The following DNAH5 variants were observed in gnomAD, a reference collection of about 807,000 sequenced individuals.
The protein encoded by DNAH5 is axonemal beta dynein heavy chain 5.
Under a neutral mutation model 518.2 loss-of-function variants are expected in DNAH5, and 372 were observed. The observed-to-expected ratio is 0.72, with a 90% confidence interval of 0.66 to 0.78. DNAH5 has a LOEUF of 0.78. Among genes scored for constraint, DNAH5 ranks in the 30% least tolerant of loss-of-function variants. The probability of loss-of-function intolerance (pLI) is 0.00; values close to 1 mark genes in which losing one functional copy is unlikely to be tolerated. For missense variants in DNAH5, 5,523 were observed against 5,687.0 expected, an observed-to-expected ratio of 0.97 and a Z score of 0.93; for synonymous variants, 2,039 against 2,025.9, an observed-to-expected ratio of 1.01 and a Z score of -0.17.
intron 68 of DNAH5, among the ~76,000 whole-genome samples, chr5:13,730,994 G>A (rs373065798): frequency 3.9e-5 from 6 of 152,082 alleles, no homozygotes; most frequent in African/African-American, 7.2e-5. Flanking sequence ...ATGAGCCACC[G>A]CGCCCGGCCT....
chr5:13,991,419 G>C lies in DNAH5; in HGVS notation c.12+20229C>G, dbSNP rs562835531. Among the ~76,000 whole-genome samples the C allele has an allele frequency of 2.0e-5, 3 of 151,820 alleles. No homozygotes were observed. In the East Asian group the frequency reaches 5.9e-4, roughly 30 times the overall value. On this transcript the variant is annotated intron_variant, in intron 1 of 78. Transcript: ENST00000681290. ...TTCCCTTTGGACTAAATGCCTGCTTGTCAGACAGACCCAGACCCAAGGAGC... is the reference window on the plus strand; with the variant it reads ...TTCCCTTTGGACTAAATGCCTGCTTCTCAGACAGACCCAGACCCAAGGAGC...
At position 13,959,903 on chromosome 5, in the gene DNAH5, G is replaced by A. The variant is rs572876739; in HGVS notation, c.13-28659C>T. On this transcript the variant is annotated intron_variant, in intron 1 of 78. Coordinates refer to the DNAH5 transcript ENST00000681290. ...ATTCTCTTGAACCCGGGAGGGTGGA[G>A]GTTGCAGTGAGCCGAGATTGCGCCA... 5.3e-5 allele frequency among the ~76,000 whole-genome samples: 8 copies of A among 152,270 alleles called. No homozygotes were observed. In the South Asian group the frequency reaches 8.3e-4, roughly 16 times the overall value.
In DNAH5 at chr5:13,830,228, T is replaced by G. The variant is rs373753726; in HGVS notation, c.6062-15A>C. On this transcript the variant is annotated splice_polypyrimidine_tract_variant and intron_variant, in intron 36 of 78. Transcript: ENST00000265104. Reference sequence around the variant, plus strand: ...CTGTGCCAGTCCTTCGAAAGGAAATTAAATGAAAAATCCAATTAGTATATA... The same window carrying G: ...CTGTGCCAGTCCTTCGAAAGGAAATGAAATGAAAAATCCAATTAGTATATA... 6.2e-7 allele frequency: 1 copy of G among 1,610,832 alleles called. No homozygotes were observed. Among genetic ancestry groups the G allele is most frequent in the African/African-American group, 1.3e-5 (1 of 74,796 alleles).
intron 9 of DNAH5, 100 bp from the exon 10 acceptor site, chr5:13,914,742 A>G (rs1776439315): frequency 4.1e-6 from 5 of 1,219,192 alleles, no homozygotes; most frequent in Non-Finnish European, 4.7e-6. Flanking sequence ...AGAGTTCACA[A>G]TCTTCTAACT....
rs534738840 is a variant in DNAH5, at chr5:13,925,506, G to A, written c.278-2066C>T. 5.3e-5 allele frequency among the ~76,000 whole-genome samples: 8 copies of A among 152,292 alleles called. No individual in the cohort carries two copies. The South Asian group carries it at 1.2e-3, about 24-fold the overall frequency. ...GGTTTGATTGGCCTTACAGTTCCAC[G>A]TGGCTGGGGAAGCCTCACAATCATA... On this transcript the variant is annotated intron_variant, in intron 3 of 78. Coordinates refer to ENST00000265104, the MANE Select transcript of DNAH5 (RefSeq NM_001369.3).
At chr5:13,941,554 C>T (rs1779460885) in intron 1 of DNAH5, among the ~76,000 whole-genome samples, 1 of 152,176 alleles carries the variant, frequency 6.6e-6, no homozygotes, top group South Asian at 2.1e-4. Context: ...AATGAGAAAA[C>T]TGACATCTTT....
chr5:13,692,088 C>T lies in DNAH5; in HGVS notation c.13771G>A (p.Val4591Ile), dbSNP rs1420616107. 1 of 1,614,090 alleles carries T rather than the reference C, an allele frequency of 6.2e-7. No individual in the cohort carries two copies. Among genetic ancestry groups the T allele is most frequent in the Non-Finnish European group, 8.5e-7 (1 of 1,179,988 alleles). Residue 4591 changes from valine to isoleucine, a missense_variant, in exon 79 of 79, where the codon GTT (valine) becomes ATT (isoleucine). Val to Ile is a conservative substitution (Grantham distance 29, BLOSUM62 3). Around this residue, in one of 3 missense-constraint regions of DNAH5, gnomAD observed 387 missense variants for 430.0 expected, o/e 0.90. Transcript: ENST00000265104. ...FYSCPIYKKP[V>I]RTDLNYIAAV... ...GCAATGTAGTTCAAGTCCGTTCGAACTGGCTTCTTATAGATGGGACAGGAG... is the reference window on the plus strand; with the variant it reads ...GCAATGTAGTTCAAGTCCGTTCGAATTGGCTTCTTATAGATGGGACAGGAG...
chr5:13,921,030 T>C (rs528086115), intron 5 of DNAH5, among the ~76,000 whole-genome samples: 13 of 152,224 alleles, frequency 8.5e-5, no homozygotes, highest in Non-Finnish European at 1.9e-4. Context: ...TATACATATG[T>C]AACAAACCTG....
rs1194848012 is a variant in DNAH5, at chr5:13,928,071, T to C, written c.277+23A>G. The C allele has an allele frequency of 1.9e-6, 3 of 1,581,194 alleles. No homozygotes were observed. The African/African-American group carries it at 4.0e-5, about 21-fold the overall frequency. ...TAAATCTAATAACACATTTCTGGGTTATGTCACATCAAATTCAGATACCTG... is the reference window on the plus strand; with the variant it reads ...TAAATCTAATAACACATTTCTGGGTCATGTCACATCAAATTCAGATACCTG... On this transcript the variant is annotated intron_variant, in intron 3 of 78. Transcript: ENST00000265104.
At chr5:13,876,859 C>G in intron 21 of DNAH5, 42 bp from the exon 22 acceptor site, 2 of 1,590,890 alleles carry the variant, frequency 1.3e-6, no homozygotes, top group Middle Eastern at 2.1e-4. Context: ...ACTACTCACA[C>G]AAGAATGTAC....
At chr5:13,889,612 A>G (rs1338456888) in intron 17 of DNAH5, among the ~76,000 whole-genome samples, 1 of 152,136 alleles carries the variant, frequency 6.6e-6, no homozygotes, top group Non-Finnish European at 1.5e-5. Context: ...TATGCTGAAC[A>G]CCTGATTCCT....
intron 47 of DNAH5, among the ~76,000 whole-genome samples, chr5:13,803,200 G>A (rs942559988): frequency 1.3e-5 from 2 of 152,116 alleles, no homozygotes; most frequent in African/African-American, 4.8e-5. Context: ...GTTTTCATAT[G>A]TGTGCTATTA....
At chr5:13,713,073 T>C (rs1468679557) in intron 75 of DNAH5, among the ~76,000 whole-genome samples, 1 of 149,312 alleles carries the variant, frequency 6.7e-6, no homozygotes, top group African/African-American at 2.5e-5. Context: ...ACCCATCAAT[T>C]AACGAATGTA....
intron 78 of DNAH5, among the ~76,000 whole-genome samples, chr5:13,698,868 A>G (rs1418665582): frequency 6.6e-6 from 1 of 152,258 alleles, no homozygotes; most frequent in Non-Finnish European, 1.5e-5. Context: ...ATATTTGTGA[A>G]TGACCATAAA....
intron 12 of DNAH5, among the ~76,000 whole-genome samples, chr5:13,910,685 C>A (rs4631176): frequency 0.36 from 54,809 of 151,922 alleles, 10,707 homozygotes; most frequent in East Asian, 0.85. Flanking sequence ...AAACATTCCC[C>A]GTGACCCAGT....
intron 65 of DNAH5, among the ~76,000 whole-genome samples, chr5:13,740,391 G>C (rs1748293360): frequency 6.6e-6 from 1 of 152,072 alleles, no homozygotes; most frequent in Non-Finnish European, 1.5e-5. Flanking sequence ...CAGAGTGAAA[G>C]GTAAAGACCT....
chr5:13,911,352 C>T (rs763284069), intron 12 of DNAH5, 34 bp downstream of exon 12: 8 of 1,529,668 alleles, frequency 5.2e-6, no homozygotes, highest in East Asian at 2.3e-5. Flanking sequence ...AATAAACACA[C>T]GACTGTCAAC....
intron 55 of DNAH5, 102 bp downstream of exon 55, chr5:13,776,337 C>G (rs1754082592): frequency 6.8e-7 from 1 of 1,478,916 alleles, no homozygotes; most frequent in Non-Finnish European, 9.4e-7. Context: ...CATCCTGGAG[C>G]CTGCCTGGAG....
At position 13,882,788 on chromosome 5, in the gene DNAH5, C is replaced by G. The variant is rs200249508; in HGVS notation, c.3202G>C (p.Ala1068Pro). The G allele has an allele frequency of 1.4e-4, 220 of 1,614,070 alleles. No individual in the cohort carries two copies. The Admixed American group carries it at 3.6e-3, about 26-fold the overall frequency. ...TCACTGTCTTCATTACTCTGCAAAGCAGCCATTTTTCTTTCTTGTATCTTT... is the reference window on the plus strand; with the variant it reads ...TCACTGTCTTCATTACTCTGCAAAGGAGCCATTTTTCTTTCTTGTATCTTT... ...KKKIQERKMA[A>P]LQSNEDSDSD... is the part of the protein sequence containing the mutation. The change falls in exon 21 of 79, where the codon GCT (alanine) becomes CCT (proline). Residue 1068 changes from alanine (A) to proline (P), a missense_variant. By Grantham distance (27) the Ala-to-Pro change is conservative (BLOSUM62 -1). Around this residue, in one of 3 missense-constraint regions of DNAH5, gnomAD observed 5,121 missense variants for 5,223.3 expected, o/e 0.98. Transcript: ENST00000265104.
Sources: gnomAD v4.1 joint callset for allele counts (sites outside exome capture counted in the v4.1 genomes callset) on GRCh38, gnomAD v4.1.1 for gene constraint, gnomAD v4.1.1 regional missense constraint, MANE v1.5 for transcripts, NCBI Gene and HGNC (gene_info 2026-07-23, HGNC 2026-07-21) for gene names.